The following SLC39A9 variants were observed in gnomAD, a reference collection of about 807,000 sequenced individuals.
SLC39A9 encodes the protein solute carrier family 39 member 9, also known as zinc transporter ZIP9.
SLC39A9 carries 14 observed loss-of-function variants against 28.4 expected under a neutral mutation model. That is an observed-to-expected ratio of 0.49 (90% CI 0.33 to 0.77). SLC39A9 has a LOEUF of 0.77. Ranked by LOEUF, SLC39A9 falls within the 30% of genes least tolerant of loss-of-function variation. SLC39A9 has a pLI of 0.02. For missense variants in SLC39A9, 283 were observed against 381.1 expected (o/e 0.74, Z 2.14); for synonymous variants, 119 against 149.6 (o/e 0.80, Z 1.49).
chr14:69,432,302 C>T (rs1271555246), intron 2 of SLC39A9, among the ~76,000 whole-genome samples: 4 of 152,122 alleles, frequency 2.6e-5, no homozygotes, highest in African/African-American at 9.7e-5. Context: ...TTGCATTTCT[C>T]TGCCGATTAG....
intron 3 of SLC39A9, among the ~76,000 whole-genome samples, chr14:69,448,396 T>C (rs1214938224): frequency 6.6e-6 from 1 of 152,088 alleles, no homozygotes; most frequent in Non-Finnish European, 1.5e-5. Context: ...ATGTCCAGGA[T>C]ATAATTCAGA....
At chr14:69,455,957 C>G in intron 6 of SLC39A9, 91 bp downstream of exon 6, 1 of 1,428,504 alleles carries the variant, frequency 7.0e-7, no homozygotes, top group Non-Finnish European at 9.5e-7. Context: ...CAATACATTA[C>G]TCTCTCAAAC....
intron 2 of SLC39A9, among the ~76,000 whole-genome samples, chr14:69,432,163 A>G (rs966457349): frequency 5.9e-5 from 9 of 152,204 alleles, no homozygotes; most frequent in Admixed American, 1.3e-4. Context: ...TGACTGAACT[A>G]ATTTACATTC....
At chr14:69,439,231 A>C (rs567139242) in intron 2 of SLC39A9, among the ~76,000 whole-genome samples, 1 of 152,204 alleles carries the variant, frequency 6.6e-6, no homozygotes, top group Admixed American at 6.5e-5. Context: ...TACCTAATGT[A>C]AATGAGGAGT....
At chr14:69,406,848 G>GTTTTTTTTTTTTTT (rs398025544) in intron 1 of SLC39A9, among the ~76,000 whole-genome samples, 3 of 95,892 alleles carry the variant, frequency 3.1e-5, no homozygotes, top group Non-Finnish European at 5.8e-5. Context: ...GAAATTCTTT[G>GTTTTTTTTTTTTTT]TTTTTTTTTT....
rs1350416645 is a variant in SLC39A9, at chr14:69,458,664, T to A, written c.*71T>A. 1.3e-6 allele frequency: 2 copies of A among 1,482,126 alleles called. No homozygotes were observed. The highest frequency in any genetic ancestry group is 1.8e-6 in the Non-Finnish European group (2 of 1,112,810). The allele number at this position is 1,482,126 out of a possible 1,614,324, so 91.8% of individuals were successfully genotyped here. On this transcript the variant is annotated 3_prime_UTR_variant, in exon 7 of 7. Coordinates refer to ENST00000336643, the MANE Select transcript of SLC39A9 (RefSeq NM_018375.5). ...AGAACAGCCGGCACGTGACAGCTACTCACTTCCTCAGTCTCTTGTCTCACC... is the reference window on the plus strand; with the variant it reads ...AGAACAGCCGGCACGTGACAGCTACACACTTCCTCAGTCTCTTGTCTCACC...
At chr14:69,441,956 G>T in intron 2 of SLC39A9, 113 bp from the exon 3 acceptor site, 1 of 1,448,190 alleles carries the variant, frequency 6.9e-7, no homozygotes, top group South Asian at 1.5e-5. Context: ...ATAAAAAGTG[G>T]ATGTCTTTAC....
chr14:69,445,905 A>G (rs1032789213), intron 3 of SLC39A9, among the ~76,000 whole-genome samples: 1 of 152,210 alleles, frequency 6.6e-6, no homozygotes, highest in East Asian at 1.9e-4. Flanking sequence ...GAATAATACA[A>G]TCACACTGAA....
chr14:69,452,948 A>AT (rs1885684530), intron 3 of SLC39A9, among the ~76,000 whole-genome samples: 1 of 152,104 alleles, frequency 6.6e-6, no homozygotes, highest in South Asian at 2.1e-4. Flanking sequence ...CATTTCAGTG[A>AT]TTTTTCTGTT....
intron 1 of SLC39A9, among the ~76,000 whole-genome samples, chr14:69,419,382 C>A (rs945293436): frequency 6.6e-6 from 1 of 152,196 alleles, no homozygotes; most frequent in Non-Finnish European, 1.5e-5. Context: ...ATTGTGATTT[C>A]TGTTCTTTTA....
Position 69,459,976 on chromosome 14 carries a change from C to T in SLC39A9, c.*1383C>T. On this transcript the variant is annotated 3_prime_UTR_variant, in exon 7 of 7. Transcript: ENST00000336643. ...TACCACCTCCTCATGTGTAAATTGACACAATCACTAATCTGGTAATTTAAA... is the reference window on the plus strand; with the variant it reads ...TACCACCTCCTCATGTGTAAATTGATACAATCACTAATCTGGTAATTTAAA... The T allele has an allele frequency of 2.0e-6, 2 of 985,082 alleles. No homozygotes were observed. The highest frequency in any genetic ancestry group is 2.4e-6 in the Non-Finnish European group (2 of 829,312). The allele number at this position is 985,082 out of a possible 1,614,324, so 61.0% of individuals were successfully genotyped here. A position where few individuals can be genotyped will look rare whatever the true frequency, so the allele number is the denominator to read the frequency against.
chr14:69,405,688 C>T (rs1304899922), intron 1 of SLC39A9, among the ~76,000 whole-genome samples: 1 of 152,160 alleles, frequency 6.6e-6, no homozygotes, highest in Non-Finnish European at 1.5e-5. Context: ...GATTGAACTA[C>T]AGATTATTGT....
chr14:69,448,766 A>G (rs970836300), intron 3 of SLC39A9, among the ~76,000 whole-genome samples: 2 of 152,248 alleles, frequency 1.3e-5, no homozygotes, highest in Non-Finnish European at 2.9e-5. Flanking sequence ...AAAAAGTGTC[A>G]GTGTTGATAA....
intron 2 of SLC39A9, among the ~76,000 whole-genome samples, chr14:69,437,230 C>T (rs530563096): frequency 1.3e-5 from 2 of 152,276 alleles, no homozygotes; most frequent in South Asian, 4.1e-4. Context: ...TTGTTGCCAC[C>T]ATGCAGTTCT....
chr14:69,423,214 G>A (rs1566913280), intron 1 of SLC39A9, among the ~76,000 whole-genome samples: 1 of 151,962 alleles, frequency 6.6e-6, no homozygotes, highest in Non-Finnish European at 1.5e-5. Context: ...CATATTGATT[G>A]CCATCAGCTT....
chr14:69,435,468 A>G (rs1333853398), intron 2 of SLC39A9, among the ~76,000 whole-genome samples: 1 of 152,124 alleles, frequency 6.6e-6, no homozygotes, highest in African/African-American at 2.4e-5. Context: ...GATGGCATAT[A>G]GTTGTATCAT....
chr14:69,405,271 A>G (rs1388771978), intron 1 of SLC39A9, among the ~76,000 whole-genome samples: 5 of 152,202 alleles, frequency 3.3e-5, no homozygotes, highest in Non-Finnish European at 7.3e-5. Flanking sequence ...GTTACCCGCA[A>G]ATCAAAGGTT....
intron 3 of SLC39A9, among the ~76,000 whole-genome samples, chr14:69,443,785 C>T (rs747243913): frequency 2.6e-5 from 4 of 152,098 alleles, no homozygotes; most frequent in Non-Finnish European, 1.5e-5. Flanking sequence ...GGGAGGAACG[C>T]TTGAGCCCAG....
intron 1 of SLC39A9, among the ~76,000 whole-genome samples, chr14:69,406,581 G>A (rs1882924455): frequency 6.6e-6 from 1 of 151,628 alleles, no homozygotes; most frequent in Non-Finnish European, 1.5e-5. Flanking sequence ...CCAGCTACTC[G>A]GGAGGCTGAG....
Sources: gnomAD v4.1 joint callset for allele counts (sites outside exome capture counted in the v4.1 genomes callset) on GRCh38, gnomAD v4.1.1 for gene constraint, MANE v1.5 for transcripts, NCBI Gene and HGNC (gene_info 2026-07-23, HGNC 2026-07-21) for gene names.